The following PFKP variants were observed in gnomAD, a reference collection of about 807,000 sequenced individuals.
PFKP encodes ATP-dependent 6-phosphofructokinase, platelet type.
PFKP carries 101 observed loss-of-function variants against 94.3 expected under a neutral mutation model. That is an observed-to-expected ratio of 1.07 (90% CI 0.91 to 1.26). PFKP has a LOEUF of 1.26. PFKP is among the 50% of genes most tolerant of loss of function. The probability of loss-of-function intolerance (pLI) is 0.00; values close to 1 mark genes in which losing one functional copy is unlikely to be tolerated. For synonymous variants in PFKP, 573 were observed against 432.6 expected (o/e 1.32, Z -4.03); for missense variants, 1,145 against 1,103.3 (o/e 1.04, Z -0.53).
chr10:3,113,445 T>C lies in PFKP; in HGVS notation c.1298T>C (p.Val433Ala). The change falls in exon 13 of 22, where the codon GTG becomes GCG. Residue 433 changes from valine (V) to alanine (A), a missense_variant. This residue lies in a region of PFKP where 1,119 missense variants were observed against 1,062.8 expected (regional missense o/e 1.05). Coordinates refer to ENST00000381125, the MANE Select transcript of PFKP (RefSeq NM_002627.5). ...AGMNAAVRSA[V>A]RVGIADGHRM... ...ATGAACGCAGCCGTACGCTCAGCTG[T>C]GCGCGTGGGCATTGCCGACGGCCAC... The C allele has an allele frequency of 6.2e-7, 1 of 1,612,188 alleles. No individual in the cohort carries two copies. The highest frequency in any genetic ancestry group is 1.7e-4 in the Middle Eastern group (1 of 6,048).
chr10:3,104,864 C>T (rs1835381699), intron 5 of PFKP: 7 of 565,024 alleles, frequency 1.2e-5, no homozygotes, highest in South Asian at 1.1e-4. Context: ...AGGTGTCCAA[C>T]GTGCAACTGG....
intron 13 of PFKP, among the ~76,000 whole-genome samples, chr10:3,116,159 T>TTTTGA (rs1217038257): frequency 6.6e-6 from 1 of 150,604 alleles, no homozygotes; most frequent in Non-Finnish European, 1.5e-5. Context: ...CATACACACC[T>TTTTGA]TGTACAGTAT....
chr10:3,089,202 G>C (rs958045503), intron 2 of PFKP, among the ~76,000 whole-genome samples: 1 of 152,070 alleles, frequency 6.6e-6, no homozygotes, highest in Non-Finnish European at 1.5e-5. Flanking sequence ...CCAAAGTGCC[G>C]GGATTACAAG....
intron 7 of PFKP, among the ~76,000 whole-genome samples, chr10:3,105,728 A>G (rs563537083): frequency 2.0e-5 from 3 of 152,322 alleles, no homozygotes; most frequent in African/African-American, 7.2e-5. Flanking sequence ...GCTGAGACAG[A>G]GTGAGCCTGG....
chr10:3,092,625 A>C (rs1834130423), intron 2 of PFKP, among the ~76,000 whole-genome samples: 1 of 152,196 alleles, frequency 6.6e-6, no homozygotes, highest in Non-Finnish European at 1.5e-5. Context: ...TGCATGCAAC[A>C]GATACTCACA....
intron 7 of PFKP, 56 bp downstream of exon 7, chr10:3,105,557 T>C: frequency 8.0e-7 from 1 of 1,253,418 alleles, no homozygotes. Flanking sequence ...ATTGCTTTAA[T>C]CAGGATCCCA....
intron 1 of PFKP, among the ~76,000 whole-genome samples, chr10:3,073,019 C>T (rs951076424): frequency 3.3e-5 from 5 of 151,914 alleles, no homozygotes; most frequent in Admixed American, 3.3e-4. Flanking sequence ...GCTACAGTTT[C>T]CCTCCCCACT....
intron 16 of PFKP, chr10:3,125,230 G>A (rs572399782): frequency 1.5e-6 from 2 of 1,329,386 alleles, no homozygotes; most frequent in East Asian, 5.0e-5. Context: ...TCCGACACTG[G>A]CCTGAATGCT....
At chr10:3,105,643 A>C in intron 7 of PFKP, 142 bp downstream of exon 7, 1 of 656,658 alleles carries the variant, frequency 1.5e-6, no homozygotes, top group Non-Finnish European at 2.7e-6. Context: ...CACTCTATGG[A>C]CTGTGAGCGT....
chr10:3,127,719 C>T (rs953798682), intron 16 of PFKP, among the ~76,000 whole-genome samples: 3 of 152,208 alleles, frequency 2.0e-5, no homozygotes, highest in Admixed American at 1.3e-4. Flanking sequence ...TCCTCCTAAG[C>T]ACAAAGATGG....
chr10:3,096,660 C>T (rs1473385030), intron 2 of PFKP, among the ~76,000 whole-genome samples: 2 of 151,594 alleles, frequency 1.3e-5, no homozygotes, highest in Non-Finnish European at 2.9e-5. Context: ...CTTGCCCCCC[C>T]GAGCTTCATG....
chr10:3,101,008 G>A (rs1432035094), intron 3 of PFKP: 2 of 1,610,196 alleles, frequency 1.2e-6, no homozygotes, highest in Non-Finnish European at 1.7e-6. Flanking sequence ...GTGGTCAGTG[G>A]GCTTGTCTTT....
chr10:3,069,158 A>G (rs1276760610), intron 1 of PFKP: 2 of 994,220 alleles, frequency 2.0e-6, no homozygotes, highest in African/African-American at 1.7e-5. Context: ...CCCCCGCGGG[A>G]GACCCGGGTG....
At chr10:3,106,977 A>C (rs939852713) in intron 7 of PFKP, among the ~76,000 whole-genome samples, 1 of 23,494 alleles carries the variant, frequency 4.3e-5, no homozygotes, top group African/African-American at 2.3e-4. Context: ...CTGCCCCTTC[A>C]CCCCTGCCCC....
intron 1 of PFKP, chr10:3,069,108 GCTCCCCAGGCCCGCAGCGCAGC>G (rs1233994931): frequency 1.2e-5 from 5 of 413,932 alleles, no homozygotes; most frequent in East Asian, 7.2e-5. Context: ...TGCGCCGCGC[GCTCCCCAGGCCCGCAGCGCAGC>G]CTCCCCAGGC....
At chr10:3,069,020 T>C (rs1337272608) in intron 1 of PFKP, among the ~76,000 whole-genome samples, 3 of 150,148 alleles carry the variant, frequency 2.0e-5, no homozygotes, top group Non-Finnish European at 4.5e-5. Flanking sequence ...TGAGGCGCTG[T>C]GGGCGCCGCC....
At chr10:3,088,009 A>G (rs1215246356) in intron 2 of PFKP, among the ~76,000 whole-genome samples, 1 of 79,422 alleles carries the variant, frequency 1.3e-5, no homozygotes, top group East Asian at 2.6e-4. Flanking sequence ...TTTTTTTTAC[A>G]TTATACTTTA....
chr10:3,083,480 G>A (rs1203126217), intron 2 of PFKP, among the ~76,000 whole-genome samples: 1 of 152,178 alleles, frequency 6.6e-6, no homozygotes, highest in Non-Finnish European at 1.5e-5. Context: ...ATGGCTATTA[G>A]TGTTTTAGTC....
At chr10:3,096,817 G>A (rs1364972685) in intron 2 of PFKP, among the ~76,000 whole-genome samples, 1 of 147,930 alleles carries the variant, frequency 6.8e-6, no homozygotes, top group Non-Finnish European at 1.5e-5. Context: ...GGCGGCTCAT[G>A]CCTGTAATCC....
Sources: allele counts gnomAD v4.1 joint callset (sites outside exome capture counted in the v4.1 genomes callset), GRCh38; gene constraint gnomAD v4.1.1; regional missense constraint gnomAD v4.1.1; transcripts MANE v1.5; gene names NCBI Gene and HGNC (gene_info 2026-07-23, HGNC 2026-07-21).